Variants in BCKDHB observed in about 807,000 individuals in gnomAD.
BCKDHB encodes the protein 2-oxoisovalerate dehydrogenase subunit beta, mitochondrial.
A neutral mutation model predicts 48.5 loss-of-function variants in BCKDHB; 41 were observed. The observed-to-expected ratio is 0.85, with a 90% CI of 0.66 to 1.10. The LOEUF (loss-of-function observed/expected upper bound fraction) is 1.10. Ranked by LOEUF, BCKDHB falls within the 50% of genes least tolerant of loss-of-function variation. BCKDHB has a pLI of 0.00. For missense variants in BCKDHB, 496 were observed against 494.2 expected (o/e 1.00, Z -0.03); for synonymous variants, 201 against 174.8 (o/e 1.15, Z -1.18).
chr6:80,137,334 C>T (rs889368416), intron 3 of BCKDHB, among the ~76,000 whole-genome samples: 54 of 152,066 alleles, frequency 3.6e-4, no homozygotes, highest in African/African-American at 1.2e-3. Flanking sequence ...TTCTATATGA[C>T]GTGGATATAG....
intron 8 of BCKDHB, among the ~76,000 whole-genome samples, chr6:80,231,282 G>A (rs1420562327): frequency 6.6e-6 from 1 of 152,106 alleles, no homozygotes; most frequent in African/African-American, 2.4e-5. Context: ...ATAACCTAGT[G>A]TTGAAGCAAA....
At chr6:80,240,330 T>C (rs1776327846) in intron 8 of BCKDHB, among the ~76,000 whole-genome samples, 1 of 152,160 alleles carries the variant, frequency 6.6e-6, no homozygotes, top group African/African-American at 2.4e-5. Flanking sequence ...TGTTGAGCAG[T>C]GGTTTGTAGT....
chr6:80,273,028 C>G, intron 8 of BCKDHB, 107 bp from the exon 9 acceptor site: 1 of 833,588 alleles, frequency 1.2e-6, no homozygotes, highest in Non-Finnish European at 2.0e-6. Context: ...GATTTTTACA[C>G]TATTTATTGA....
chr6:80,442,103 C>T, the BCKDHB span, among the ~76,000 whole-genome samples: 3 of 152,124 alleles, frequency 2.0e-5, no homozygotes, highest in Non-Finnish European at 4.4e-5. Context: ...GTATAGTTAA[C>T]TTATCTTCAA....
the BCKDHB span, among the ~76,000 whole-genome samples, chr6:80,363,332 T>C: frequency 1.3e-5 from 2 of 152,366 alleles, no homozygotes; most frequent in South Asian, 4.1e-4. Context: ...CACTGGCATT[T>C]CTGAAACGAC....
intron 8 of BCKDHB, among the ~76,000 whole-genome samples, chr6:80,251,128 G>A (rs2127935135): frequency 6.6e-6 from 1 of 152,230 alleles, no homozygotes; most frequent in Middle Eastern, 3.4e-3. Flanking sequence ...TGTTGAAGTT[G>A]AGGATCTTTC....
the BCKDHB span, among the ~76,000 whole-genome samples, chr6:80,412,965 A>T: frequency 6.6e-6 from 1 of 152,198 alleles, no homozygotes; most frequent in Non-Finnish European, 1.5e-5. Context: ...CAGTTTGATT[A>T]TAATGTGACT....
At chr6:80,145,556 G>T (rs1771441384) in intron 3 of BCKDHB, among the ~76,000 whole-genome samples, 1 of 152,176 alleles carries the variant, frequency 6.6e-6, no homozygotes, top group Admixed American at 6.6e-5. Flanking sequence ...TGGAGCTTCT[G>T]CTGCCTGGCA....
At chr6:80,207,445 A>G (rs540735833) in intron 8 of BCKDHB, among the ~76,000 whole-genome samples, 2 of 152,044 alleles carry the variant, frequency 1.3e-5, no homozygotes, top group African/African-American at 4.8e-5. Context: ...TAATAAAAAT[A>G]TTTGGTTAAT....
chr6:80,333,605 TG>T (rs1769430257), intron 9 of BCKDHB, among the ~76,000 whole-genome samples: 1 of 152,164 alleles, frequency 6.6e-6, no homozygotes, highest in South Asian at 2.1e-4. Context: ...TCATTATCTT[TG>T]GTGTATGACA....
chr6:80,197,600 G>A (rs1040203036), intron 6 of BCKDHB, among the ~76,000 whole-genome samples: 6 of 152,148 alleles, frequency 3.9e-5, no homozygotes, highest in African/African-American at 9.7e-5. Context: ...GTGTGTTCCA[G>A]GGATTTGCTA....
intron 9 of BCKDHB, among the ~76,000 whole-genome samples, chr6:80,308,617 C>T (rs6912468): frequency 0.011 from 1,546 of 141,568 alleles, 37 homozygotes; most frequent in African/African-American, 0.039. Context: ...TTTTTTGAGA[C>T]GGAGTCTCGC....
intron 9 of BCKDHB, among the ~76,000 whole-genome samples, chr6:80,318,322 T>A (rs1387913978): frequency 6.6e-6 from 1 of 152,136 alleles, no homozygotes; most frequent in East Asian, 1.9e-4. Context: ...GGGATGGATG[T>A]CTGTATATAC....
chr6:80,424,875 A>G, the BCKDHB span, among the ~76,000 whole-genome samples: 10 of 152,360 alleles, frequency 6.6e-5, no homozygotes, highest in East Asian at 1.9e-3. Flanking sequence ...TAGCATGGAA[A>G]GCCATGGGAT....
the BCKDHB span, among the ~76,000 whole-genome samples, chr6:80,462,661 A>G: frequency 6.6e-6 from 1 of 152,182 alleles, no homozygotes; most frequent in Non-Finnish European, 1.5e-5. Context: ...TGAAGGCATT[A>G]TGGCCCCCAT....
rs117431199 is a variant in BCKDHB, at chr6:80,163,098, T to C, written c.344-4580T>C. ...CCACCACACCCGGCTAATGTTTTTATTGTATTTTTTGTAGAGATGGGGTTT... is the reference window on the plus strand; with the variant it reads ...CCACCACACCCGGCTAATGTTTTTACTGTATTTTTTGTAGAGATGGGGTTT... On this transcript the variant is annotated intron_variant, in intron 3 of 9. Transcript: ENST00000320393. Among the ~76,000 whole-genome samples the C allele has an allele frequency of 8.6e-4, 131 of 152,024 alleles. 2 individuals carry two copies. In the East Asian group the frequency reaches 0.023, roughly 26 times the overall value.
chr6:80,375,863 CCTT>C, the BCKDHB span, among the ~76,000 whole-genome samples: 2 of 152,164 alleles, frequency 1.3e-5, no homozygotes, highest in African/African-American at 2.4e-5. Flanking sequence ...GTGGTGCTCT[CCTT>C]CTTCCCCTAA....
At chr6:80,299,612 A>G (rs1767464799) in intron 9 of BCKDHB, among the ~76,000 whole-genome samples, 1 of 152,208 alleles carries the variant, frequency 6.6e-6, no homozygotes, top group South Asian at 2.1e-4. Context: ...CTGCCAAACT[A>G]AGCTTTATAA....
At chr6:80,158,653 G>A (rs72908854) in intron 3 of BCKDHB, among the ~76,000 whole-genome samples, 10,929 of 152,210 alleles carry the variant, frequency 0.072, 480 homozygotes, top group South Asian at 0.099. Flanking sequence ...CCAACTAGTT[G>A]TCCCTAGTTG....
Sources: allele counts gnomAD v4.1 joint callset (sites outside exome capture counted in the v4.1 genomes callset), GRCh38; gene constraint gnomAD v4.1.1; transcripts MANE v1.5; gene names NCBI Gene and HGNC (gene_info 2026-07-23, HGNC 2026-07-21).